Variants in MAF observed in about 807,000 individuals in gnomAD.
MAF encodes transcription factor Maf.
In MAF, 10 loss-of-function variants were observed where a neutral mutation model predicts 22.0. The observed-to-expected ratio is 0.45, with a 90% confidence interval of 0.28 to 0.77. The LOEUF (loss-of-function observed/expected upper bound fraction) is 0.77, where lower values mean the gene tolerates loss of function less well. Among genes scored for constraint, MAF ranks in the 30% least tolerant of loss-of-function variants. The probability of loss-of-function intolerance (pLI) is 0.12; values close to 1 mark genes in which losing one functional copy is unlikely to be tolerated. For missense variants in MAF, 544 were observed against 548.4 expected (o/e 0.99, Z 0.08); for synonymous variants, 337 against 255.8 (o/e 1.32, Z -3.03).
chr16:79,540,084 T>A, the MAF span, among the ~76,000 whole-genome samples: 2 of 152,048 alleles, frequency 1.3e-5, no homozygotes, highest in African/African-American at 2.4e-5. Flanking sequence ...GAATTGAGAC[T>A]GCAGTGGTAG....
the MAF span, among the ~76,000 whole-genome samples, chr16:79,388,254 TAAATA>T: frequency 6.6e-6 from 1 of 151,898 alleles, no homozygotes; most frequent in African/African-American, 2.4e-5. Context: ...GGCCCGCGGA[TAAATA>T]GCATGAGTTT....
At chr16:79,276,154 A>G in the MAF span, among the ~76,000 whole-genome samples, 1 of 3,266 alleles carries the variant, frequency 3.1e-4, no homozygotes, top group South Asian at 0.045. Context: ...AAAAAAAAAG[A>G]AAGAAAGAAA....
chr16:79,455,351 T>A, the MAF span, among the ~76,000 whole-genome samples: 8,646 of 152,208 alleles, frequency 0.057, 310 homozygotes, highest in Non-Finnish European at 0.086. Flanking sequence ...GCTCTTTGAT[T>A]TATTTTGTGC....
the MAF span, among the ~76,000 whole-genome samples, chr16:79,470,155 A>T: frequency 6.6e-6 from 1 of 152,232 alleles, no homozygotes; most frequent in African/African-American, 2.4e-5. Context: ...CATTTGGAAC[A>T]TGAAAAATGT....
chr16:79,580,860 G>A (rs1404831253), downstream of MAF, among the ~76,000 whole-genome samples: 1 of 151,982 alleles, frequency 6.6e-6, no homozygotes, highest in Admixed American at 6.6e-5. Flanking sequence ...GAAGTCTGGA[G>A]AAAACCAATA....
At chr16:79,517,943 C>CT in the MAF span, among the ~76,000 whole-genome samples, 163 of 152,266 alleles carry the variant, frequency 1.1e-3, no homozygotes, top group African/African-American at 3.7e-3. Flanking sequence ...AGGGCAGGGT[C>CT]TTTTTGCCAA....
At chr16:79,257,028 T>C in the MAF span, among the ~76,000 whole-genome samples, 3 of 151,822 alleles carry the variant, frequency 2.0e-5, no homozygotes, top group Non-Finnish European at 4.4e-5. Context: ...AATACAAAAA[T>C]TAGCCAGGTA....
At chr16:79,222,949 A>G in the MAF span, among the ~76,000 whole-genome samples, 1 of 152,192 alleles carries the variant, frequency 6.6e-6, no homozygotes, top group Non-Finnish European at 1.5e-5. Context: ...TGTCAATATT[A>G]GACATATCGA....
the MAF span, among the ~76,000 whole-genome samples, chr16:79,409,831 C>T: frequency 1.1e-4 from 16 of 152,326 alleles, no homozygotes; most frequent in African/African-American, 3.6e-4. Flanking sequence ...TGTTCGATAT[C>T]TGCACTAATC....
chr16:79,318,991 G>A, the MAF span, among the ~76,000 whole-genome samples: 3 of 152,120 alleles, frequency 2.0e-5, no homozygotes, highest in South Asian at 6.2e-4. Context: ...AAATAAAATA[G>A]CATTTCCTTT....
At chr16:79,322,669 G>A in the MAF span, among the ~76,000 whole-genome samples, 8 of 152,184 alleles carry the variant, frequency 5.3e-5, no homozygotes, top group Non-Finnish European at 8.8e-5. Flanking sequence ...GTCGACACAC[G>A]GGTACTGAGC....
chr16:79,569,582 C>T, the MAF span, among the ~76,000 whole-genome samples: 11 of 152,254 alleles, frequency 7.2e-5, no homozygotes, highest in African/African-American at 2.6e-4. Context: ...ATCGGAAACT[C>T]GGGGTGAGGC....
At chr16:79,394,993 G>A in the MAF span, among the ~76,000 whole-genome samples, 2 of 152,182 alleles carry the variant, frequency 1.3e-5, no homozygotes, top group African/African-American at 2.4e-5. Context: ...TTAATACATA[G>A]TAGATGCTTA....
At chr16:79,372,643 C>T in the MAF span, among the ~76,000 whole-genome samples, 1 of 152,100 alleles carries the variant, frequency 6.6e-6, no homozygotes, top group Non-Finnish European at 1.5e-5. Flanking sequence ...GGCGGGTGAG[C>T]CCCCAGCAGG....
the MAF span, among the ~76,000 whole-genome samples, chr16:79,430,599 G>A: frequency 3.3e-5 from 5 of 152,328 alleles, no homozygotes; most frequent in African/African-American, 4.8e-5. Flanking sequence ...TGCAGGAAAT[G>A]TCTGCTGAAT....
At position 79,594,526 on chromosome 16, in the gene MAF, T is replaced by G. The variant is rs1470847943; in HGVS notation, c.1146A>C (p.Pro382=). The change falls in exon 2 of 2, where the codon CCA becomes CCC. Residue 382 remains proline, a synonymous_variant. Coordinates refer to ENST00000326043, the MANE Select transcript of MAF (RefSeq NM_005360.5). ...FITEPTRKLE[P]SVGYATFWKP... is the part of the protein sequence containing the mutation. ...TCCAAAATGTGGCGTATCCCACTGA[T>G]GGCTCCAACTTGCGAGTGGGCTCAG... is the stretch of plus-strand genomic sequence containing the variant. 6.4e-7 allele frequency: 1 copy of G among 1,565,316 alleles called. No homozygotes were observed.
chr16:79,204,173 G>T, the MAF span: 1 of 152,102 alleles, frequency 6.6e-6, no homozygotes, highest in Non-Finnish European at 1.5e-5. Context: ...TATTCATAAA[G>T]AAACTGTACT....
At chr16:79,468,247 C>G in the MAF span, among the ~76,000 whole-genome samples, 1 of 152,150 alleles carries the variant, frequency 6.6e-6, no homozygotes, top group African/African-American at 2.4e-5. Context: ...CCCACGGAGT[C>G]CCCAGCAGCC....
chr16:79,395,774 T>C, the MAF span, among the ~76,000 whole-genome samples: 1 of 152,162 alleles, frequency 6.6e-6, no homozygotes, highest in Non-Finnish European at 1.5e-5. Context: ...TGTTGTAAGC[T>C]GCCAACAAAG....
Sources: gnomAD v4.1 joint callset for allele counts (sites outside exome capture counted in the v4.1 genomes callset) on GRCh38, gnomAD v4.1.1 for gene constraint, MANE v1.5 for transcripts, NCBI Gene and HGNC (gene_info 2026-07-23, HGNC 2026-07-21) for gene names.